Variants in TTC39C observed in about 807,000 individuals in gnomAD.
TTC39C encodes the protein tetratricopeptide repeat protein 39C.
Under a neutral mutation model 76.3 loss-of-function variants are expected in TTC39C, and 33 were observed. The ratio of observed to expected loss-of-function variants is 0.43; its 90% CI spans 0.33 to 0.58. The LOEUF (loss-of-function observed/expected upper bound fraction) is 0.58. TTC39C is among the 20% of genes least tolerant of loss of function. TTC39C has a pLI of 0.04. For missense variants in TTC39C, 595 were observed against 701.4 expected (o/e 0.85, Z 1.71); for synonymous variants, 254 against 260.6 (o/e 0.97, Z 0.24).
At chr18:24,029,931 T>A (rs914476025) in intron 1 of TTC39C, among the ~76,000 whole-genome samples, 15 of 152,240 alleles carry the variant, frequency 9.9e-5, no homozygotes, top group African/African-American at 3.6e-4. Context: ...GGTTTCATAT[T>A]TTTGCAGTTG....
At chr18:24,043,790 A>G (rs1455766937) in intron 1 of TTC39C, among the ~76,000 whole-genome samples, 3 of 152,226 alleles carry the variant, frequency 2.0e-5, no homozygotes, top group African/African-American at 7.2e-5. Flanking sequence ...GTTTGCCACC[A>G]GGGCAGTTCT....
chr18:24,058,708 A>G (rs1325228355), intron 1 of TTC39C, among the ~76,000 whole-genome samples: 1 of 152,190 alleles, frequency 6.6e-6, no homozygotes, highest in Non-Finnish European at 1.5e-5. Context: ...AAAAGTTACT[A>G]GAGTAGGCAT....
At chr18:24,049,614 C>T (rs991554150) in intron 1 of TTC39C, among the ~76,000 whole-genome samples, 3 of 152,112 alleles carry the variant, frequency 2.0e-5, no homozygotes, top group Non-Finnish European at 4.4e-5. Context: ...AGGAGGGATC[C>T]AGCCCGACCC....
intron 1 of TTC39C, among the ~76,000 whole-genome samples, chr18:24,028,026 G>T (rs995902149): frequency 6.6e-6 from 1 of 152,152 alleles, no homozygotes; most frequent in Non-Finnish European, 1.5e-5. Flanking sequence ...TGTCAACCAC[G>T]TGGATCCCAA....
intron 1 of TTC39C, among the ~76,000 whole-genome samples, chr18:24,005,758 C>T (rs113755187): frequency 0.019 from 2,924 of 150,956 alleles, 91 homozygotes; most frequent in African/African-American, 0.068. Flanking sequence ...GGTTGGAGGA[C>T]GGCTTGAATC....
intron 1 of TTC39C, among the ~76,000 whole-genome samples, chr18:24,031,514 A>G (rs1264239278): frequency 6.6e-6 from 1 of 152,204 alleles, no homozygotes; most frequent in Non-Finnish European, 1.5e-5. Context: ...TGTACACACT[A>G]GAAGGCTCTT....
chr18:24,128,408 T>C (rs1329449415), intron 10 of TTC39C, among the ~76,000 whole-genome samples: 2 of 149,040 alleles, frequency 1.3e-5, no homozygotes, highest in African/African-American at 4.9e-5. Flanking sequence ...TTTCTATCTA[T>C]ATATAATATT....
At chr18:24,088,721 G>A (rs77231606) in intron 6 of TTC39C, among the ~76,000 whole-genome samples, 235 of 152,338 alleles carry the variant, frequency 1.5e-3, no homozygotes, top group African/African-American at 5.3e-3. Flanking sequence ...CTCAGTGTCT[G>A]TGGGGATGGC....
At chr18:24,023,997 TATA>T (rs2083561953) in intron 1 of TTC39C, among the ~76,000 whole-genome samples, 1 of 7,448 alleles carries the variant, frequency 1.3e-4, no homozygotes, top group Non-Finnish European at 2.9e-4. Context: ...TATATATATA[TATA>T]TATATATATA....
intron 1 of TTC39C, among the ~76,000 whole-genome samples, chr18:24,039,792 A>T (rs1350150829): frequency 6.6e-6 from 1 of 152,148 alleles, no homozygotes; most frequent in Non-Finnish European, 1.5e-5. Flanking sequence ...ATATGTGTGA[A>T]ATGTTATAGG....
intron 1 of TTC39C, among the ~76,000 whole-genome samples, chr18:24,044,901 C>T (rs941439245): frequency 2.6e-5 from 4 of 152,180 alleles, no homozygotes; most frequent in Admixed American, 6.5e-5. Context: ...GCTAACAGCA[C>T]CACTGAGACC....
At chr18:24,049,664 G>C (rs1306902948) in intron 1 of TTC39C, among the ~76,000 whole-genome samples, 1 of 152,170 alleles carries the variant, frequency 6.6e-6, no homozygotes, top group Non-Finnish European at 1.5e-5. Flanking sequence ...GCACCCTTTG[G>C]ACCTAGGCTA....
At chr18:24,052,239 G>A (rs1285897176) in intron 1 of TTC39C, among the ~76,000 whole-genome samples, 1 of 152,144 alleles carries the variant, frequency 6.6e-6, no homozygotes, top group Admixed American at 6.5e-5. Context: ...TACTCACTTT[G>A]CGTCACTGTT....
intron 4 of TTC39C, among the ~76,000 whole-genome samples, chr18:24,072,607 A>G (rs1045647954): frequency 1.3e-5 from 2 of 152,178 alleles, no homozygotes; most frequent in Admixed American, 6.5e-5. Flanking sequence ...AATGCTTCTT[A>G]CTTTTAAAAA....
chr18:24,009,077 A>T (rs560235433), intron 1 of TTC39C, among the ~76,000 whole-genome samples: 1 of 152,280 alleles, frequency 6.6e-6, no homozygotes. Context: ...AAAGGAGAGG[A>T]TCATAAAAAA....
intron 1 of TTC39C, among the ~76,000 whole-genome samples, chr18:24,049,554 G>A (rs1357787880): frequency 6.6e-6 from 1 of 152,190 alleles, no homozygotes; most frequent in Non-Finnish European, 1.5e-5. Context: ...GCACTGTGCG[G>A]GTGTGAGTTG....
At chr18:24,114,993 A>G (rs1237467579) in intron 7 of TTC39C, 1 of 204,724 alleles carries the variant, frequency 4.9e-6, no homozygotes, top group Non-Finnish European at 9.9e-6. Flanking sequence ...GACAGGAGAT[A>G]GTTGGACTGA....
At chr18:24,056,920 C>T (rs2084023750) in intron 1 of TTC39C, among the ~76,000 whole-genome samples, 1 of 152,110 alleles carries the variant, frequency 6.6e-6, no homozygotes, top group African/African-American at 2.4e-5. Context: ...TAGTCTCAAG[C>T]AATCCTCCTG....
chr18:24,120,810 T>G (rs2084957767), intron 8 of TTC39C, among the ~76,000 whole-genome samples: 1 of 152,234 alleles, frequency 6.6e-6, no homozygotes, highest in Admixed American at 6.5e-5. Context: ...TGTGTCTGGC[T>G]TATTTCATTT....
Sources: gnomAD v4.1 joint callset for allele counts (sites outside exome capture counted in the v4.1 genomes callset) on GRCh38, gnomAD v4.1.1 for gene constraint, MANE v1.5 for transcripts, NCBI Gene and HGNC (gene_info 2026-07-23, HGNC 2026-07-21) for gene names.